SCLT1: variants seen among roughly 807,000 people sequenced by gnomAD.
SCLT1 encodes sodium channel-associated protein 1.
SCLT1 carries 78 observed loss-of-function variants against 112.8 expected under a neutral mutation model. The ratio of observed to expected loss-of-function variants is 0.69; its 90% confidence interval spans 0.58 to 0.83. The LOEUF is 0.83. Ranked by LOEUF, SCLT1 falls within the 40% of genes least tolerant of loss-of-function variation. The pLI is 0.00. For synonymous variants in SCLT1, 257 were observed against 254.7 expected (o/e 1.01, Z -0.09); for missense variants, 747 against 770.4 (o/e 0.97, Z 0.36).
At chr4:129,082,720 A>G (rs183994867) in intron 1 of SCLT1, among the ~76,000 whole-genome samples, 69 of 152,356 alleles carry the variant, frequency 4.5e-4, no homozygotes, top group Non-Finnish European at 7.6e-4. Context: ...AAAATTGAGA[A>G]GCATTGGGAA....
chr4:129,072,519 T>C (rs1751106665), intron 2 of SCLT1, among the ~76,000 whole-genome samples: 1 of 152,138 alleles, frequency 6.6e-6, no homozygotes, highest in Admixed American at 6.6e-5. Flanking sequence ...TTTTTGTCTT[T>C]GTTGGATTGG....
At chr4:128,888,266 G>T (rs898549594) in intron 20 of SCLT1, among the ~76,000 whole-genome samples, 15 of 151,662 alleles carry the variant, frequency 9.9e-5, no homozygotes, top group Non-Finnish European at 1.9e-4. Context: ...CGCCAGGCTG[G>T]AGTGCAGTAG....
At chr4:129,085,655 C>G (rs1272166796) in intron 1 of SCLT1, among the ~76,000 whole-genome samples, 1 of 152,154 alleles carries the variant, frequency 6.6e-6, no homozygotes, top group Non-Finnish European at 1.5e-5. Flanking sequence ...AAATGTGGTA[C>G]ATGTATACCA....
At chr4:128,886,934 G>A (rs1732937036) in intron 20 of SCLT1, among the ~76,000 whole-genome samples, 1 of 152,154 alleles carries the variant, frequency 6.6e-6, no homozygotes, top group South Asian at 2.1e-4. Context: ...AAAGGTAAAC[G>A]TGAAGCTTTA....
intron 7 of SCLT1, among the ~76,000 whole-genome samples, chr4:128,998,587 G>A (rs780453958): frequency 9.2e-5 from 14 of 151,744 alleles, no homozygotes; most frequent in Non-Finnish European, 1.0e-4. Flanking sequence ...TTATTCAGGT[G>A]AAAACAAAAC....
At chr4:128,899,043 ACCAAAAAAAGT>A (rs1414436436) in intron 18 of SCLT1, among the ~76,000 whole-genome samples, 1 of 152,152 alleles carries the variant, frequency 6.6e-6, no homozygotes, top group Non-Finnish European at 1.5e-5. Context: ...TAGTTTACCA[ACCAAAAAAAGT>A]CCAGGACCAG....
chr4:128,919,495 C>T lies in SCLT1; in HGVS notation c.1829+17160G>A, dbSNP rs144237454. Among the ~76,000 whole-genome samples the T allele has an allele frequency of 2.0e-3, 298 of 152,000 alleles. 1 individual carries two copies. Among genetic ancestry groups the T allele is most frequent in the African/African-American group, 6.9e-3 (286 of 41,504 alleles). On this transcript the variant is annotated intron_variant, in intron 18 of 20. Coordinates refer to ENST00000281142, the MANE Select transcript of SCLT1 (RefSeq NM_144643.4). The stretch of plus-strand genomic sequence containing the variant: ...AGACCTCAAATTAACAACTTAACAT[C>T]ACACCTAGAGGAACAAGGCAAACCA...
chr4:128,977,157 A>G (rs943857518), intron 9 of SCLT1, among the ~76,000 whole-genome samples: 9 of 151,638 alleles, frequency 5.9e-5, no homozygotes, highest in African/African-American at 2.2e-4. Flanking sequence ...TGTAGATTTT[A>G]CAAACAGAAT....
At chr4:128,964,854 T>A (rs1401384924) in intron 11 of SCLT1, among the ~76,000 whole-genome samples, 1 of 152,084 alleles carries the variant, frequency 6.6e-6, no homozygotes, top group Non-Finnish European at 1.5e-5. Context: ...TGAGGAGAAA[T>A]GAAAATAAAG....
chr4:128,957,651 TC>T (rs1739332958), intron 12 of SCLT1, among the ~76,000 whole-genome samples: 1 of 152,162 alleles, frequency 6.6e-6, no homozygotes, highest in Non-Finnish European at 1.5e-5. Flanking sequence ...TCAGTCACAG[TC>T]CATTTCCTTG....
chr4:129,021,360 A>G (rs1745455803), intron 5 of SCLT1, among the ~76,000 whole-genome samples: 1 of 152,174 alleles, frequency 6.6e-6, no homozygotes, highest in African/African-American at 2.4e-5. Context: ...TCCCCTGGAA[A>G]GGGGGCTGAA....
chr4:129,045,166 C>T (rs1000357237), intron 2 of SCLT1, among the ~76,000 whole-genome samples: 2 of 152,012 alleles, frequency 1.3e-5, no homozygotes, highest in Non-Finnish European at 2.9e-5. Flanking sequence ...GCATTATTGA[C>T]CTTGAGTTAG....
At chr4:128,952,573 CATCT>C in intron 14 of SCLT1, 192 bp downstream of exon 14, 1 of 595,538 alleles carries the variant, frequency 1.7e-6, no homozygotes, top group Non-Finnish European at 3.0e-6. Context: ...TGATAAATGC[CATCT>C]ATCTTTCCTG....
downstream of SCLT1, among the ~76,000 whole-genome samples, chr4:128,880,641 T>C (rs946729015): frequency 6.6e-6 from 1 of 152,216 alleles, no homozygotes; most frequent in Non-Finnish European, 1.5e-5. Context: ...TGTCCAACAG[T>C]GTGATTCAAC....
At chr4:129,043,497 T>C in intron 3 of SCLT1, 30 bp from the exon 4 acceptor site, 1 of 988,000 alleles carries the variant, frequency 1.0e-6, no homozygotes. Context: ...ATATAGCATA[T>C]TCTGTTCCAT....
At chr4:129,045,768 T>C (rs1210302496) in intron 2 of SCLT1, among the ~76,000 whole-genome samples, 1 of 151,982 alleles carries the variant, frequency 6.6e-6, no homozygotes, top group Non-Finnish European at 1.5e-5. Flanking sequence ...AAAATATAAC[T>C]CAAAGAAGCC....
chr4:128,987,908 C>G (rs1481529571), intron 9 of SCLT1, among the ~76,000 whole-genome samples: 2 of 151,428 alleles, frequency 1.3e-5, no homozygotes, highest in African/African-American at 4.9e-5. Context: ...TCTCAAAGGT[C>G]AAGGATAAAG....
At chr4:128,950,955 G>A (rs1022023941) in intron 14 of SCLT1, among the ~76,000 whole-genome samples, 3 of 152,222 alleles carry the variant, frequency 2.0e-5, no homozygotes, top group African/African-American at 2.4e-5. Context: ...AGGGAGATAT[G>A]TAGCTTGAAA....
chr4:128,929,353 A>G (rs1736569674), intron 18 of SCLT1, among the ~76,000 whole-genome samples: 1 of 152,232 alleles, frequency 6.6e-6, no homozygotes, highest in African/African-American at 2.4e-5. Flanking sequence ...TGAAAGACTT[A>G]ATATTATAAA....
Sources: allele counts gnomAD v4.1 joint callset (sites outside exome capture counted in the v4.1 genomes callset), GRCh38; gene constraint gnomAD v4.1.1; transcripts MANE v1.5; gene names NCBI Gene and HGNC (gene_info 2026-07-23, HGNC 2026-07-21).